Variants in PTPRG observed in about 807,000 individuals in gnomAD.
The protein encoded by PTPRG is receptor-type tyrosine-protein phosphatase gamma.
PTPRG carries 102 observed loss-of-function variants against 165.3 expected under a neutral mutation model. The observed-to-expected ratio is 0.62, with a 90% CI of 0.53 to 0.73. The LOEUF (loss-of-function observed/expected upper bound fraction) is 0.73. Ranked by LOEUF, PTPRG falls within the 30% of genes least tolerant of loss-of-function variation. PTPRG has a pLI of 0.00. For synonymous variants in PTPRG, 675 were observed against 669.5 expected, an observed-to-expected ratio of 1.01 and a Z score of -0.13; for missense variants, 1,866 against 1,861.4, an observed-to-expected ratio of 1.00 and a Z score of -0.05.
At chr3:61,768,399 T>A (rs1332059746) in intron 2 of PTPRG, among the ~76,000 whole-genome samples, 1 of 152,226 alleles carries the variant, frequency 6.6e-6, no homozygotes, top group Admixed American at 6.5e-5. Flanking sequence ...GAGTAGAGTT[T>A]CTCTGCACAA....
intron 2 of PTPRG, among the ~76,000 whole-genome samples, chr3:61,986,710 A>T (rs2040771610): frequency 1.3e-5 from 2 of 152,070 alleles, no homozygotes; most frequent in Admixed American, 1.3e-4. Context: ...GACGTGTTGG[A>T]GTTGGTGAGC....
chr3:61,989,180 T>A (rs141508309), intron 2 of PTPRG, among the ~76,000 whole-genome samples: 7 of 152,288 alleles, frequency 4.6e-5, no homozygotes, highest in African/African-American at 1.7e-4. Context: ...TGCCTTTAAT[T>A]TTTTTTCCCT....
chr3:62,065,009 G>C (rs1192473561), intron 4 of PTPRG, among the ~76,000 whole-genome samples: 1 of 152,038 alleles, frequency 6.6e-6, no homozygotes, highest in Non-Finnish European at 1.5e-5. Flanking sequence ...TGAGATTATA[G>C]GTGTGAGCCA....
At chr3:62,164,716 G>A (rs1704901972) in intron 7 of PTPRG, among the ~76,000 whole-genome samples, 1 of 152,194 alleles carries the variant, frequency 6.6e-6, no homozygotes, top group Non-Finnish European at 1.5e-5. Context: ...TTAAGTGAAA[G>A]CATTTTTGTG....
At chr3:62,109,842 G>C (rs1430001204) in intron 5 of PTPRG, among the ~76,000 whole-genome samples, 2 of 152,176 alleles carry the variant, frequency 1.3e-5, no homozygotes, top group Non-Finnish European at 2.9e-5. Flanking sequence ...CCACAACCCA[G>C]TGAGTCACTC....
intron 2 of PTPRG, among the ~76,000 whole-genome samples, chr3:61,794,376 T>C (rs2034986468): frequency 6.6e-6 from 1 of 152,232 alleles, no homozygotes; most frequent in East Asian, 1.9e-4. Flanking sequence ...TTTCCCTCCA[T>C]ATATTTTCTG....
chr3:61,623,326 A>G (rs1013375697), intron 1 of PTPRG, among the ~76,000 whole-genome samples: 4 of 152,344 alleles, frequency 2.6e-5, no homozygotes, highest in African/African-American at 7.2e-5. Flanking sequence ...TCTGATCTGC[A>G]TGACTAGGGA....
At chr3:61,698,208 A>G (rs1479163696) in intron 1 of PTPRG, among the ~76,000 whole-genome samples, 2 of 152,180 alleles carry the variant, frequency 1.3e-5, no homozygotes, top group Non-Finnish European at 2.9e-5. Context: ...GTTGGGAAGG[A>G]AAGAGATTTC....
At chr3:62,197,412 C>T (rs1699991917) in intron 10 of PTPRG, among the ~76,000 whole-genome samples, 1 of 152,186 alleles carries the variant, frequency 6.6e-6, no homozygotes, top group Non-Finnish European at 1.5e-5. Context: ...ATATTCTTTG[C>T]TAATGTTCAC....
intron 1 of PTPRG, among the ~76,000 whole-genome samples, chr3:61,663,597 TTATTATGCGCTATATTTCTATTATTACTA>T (rs1366960634): frequency 2.6e-5 from 4 of 151,942 alleles, no homozygotes; most frequent in Non-Finnish European, 4.4e-5. Flanking sequence ...TGCATTACAT[TTATTATGCGCTATATTTCTATTATTACTA>T]TATTGCAATA....
chr3:61,734,594 C>T (rs998038744), intron 1 of PTPRG, among the ~76,000 whole-genome samples: 3 of 152,100 alleles, frequency 2.0e-5, no homozygotes, highest in African/African-American at 7.2e-5. Flanking sequence ...ACTGCATATG[C>T]GATGTCTTTC....
intron 5 of PTPRG, chr3:62,118,490 G>A (rs1702944662): frequency 6.6e-6 from 1 of 152,192 alleles, no homozygotes; most frequent in Non-Finnish European, 1.5e-5. Flanking sequence ...CTTGATCTTA[G>A]CCAAAAGGCT....
intron 8 of PTPRG, among the ~76,000 whole-genome samples, chr3:62,168,528 T>A (rs1005487359): frequency 3.2e-4 from 49 of 151,804 alleles, no homozygotes; most frequent in African/African-American, 9.0e-4. Flanking sequence ...AACGGGAGAG[T>A]TCCCTGACCC....
At chr3:62,004,606 C>T (rs1172831421) in intron 4 of PTPRG, among the ~76,000 whole-genome samples, 1 of 152,210 alleles carries the variant, frequency 6.6e-6, no homozygotes, top group Non-Finnish European at 1.5e-5. Flanking sequence ...CATCTCTTCT[C>T]TCGACTGCAG....
At chr3:62,149,389 C>G (rs1216240366) in intron 6 of PTPRG, among the ~76,000 whole-genome samples, 1 of 151,682 alleles carries the variant, frequency 6.6e-6, no homozygotes, top group African/African-American at 2.4e-5. Context: ...TTTTCCTGCC[C>G]CAGCCTCCCA....
intron 2 of PTPRG, among the ~76,000 whole-genome samples, chr3:61,866,702 G>A (rs549643537): frequency 1.4e-5 from 2 of 143,460 alleles, no homozygotes; most frequent in Admixed American, 7.5e-5. Context: ...TAGTTCAAGC[G>A]ATTCTCCTGC....
At chr3:61,648,972 T>C (rs1340398273) in intron 1 of PTPRG, among the ~76,000 whole-genome samples, 1 of 152,214 alleles carries the variant, frequency 6.6e-6, no homozygotes, top group Non-Finnish European at 1.5e-5. Context: ...AAATAGACGT[T>C]TCATATAGTA....
chr3:62,052,649 T>G (rs561669960), intron 4 of PTPRG, among the ~76,000 whole-genome samples: 1 of 152,244 alleles, frequency 6.6e-6, no homozygotes, highest in South Asian at 2.1e-4. Context: ...GAGCTGTGAT[T>G]GTACCACTGC....
intron 2 of PTPRG, among the ~76,000 whole-genome samples, chr3:61,961,368 G>A (rs1397167040): frequency 1.3e-5 from 2 of 152,122 alleles, no homozygotes; most frequent in Non-Finnish European, 2.9e-5. Context: ...CAGCAGTGGG[G>A]ATAAACATGT....
Sources: allele counts gnomAD v4.1 joint callset (sites outside exome capture counted in the v4.1 genomes callset), GRCh38; gene constraint gnomAD v4.1.1; transcripts MANE v1.5; gene names NCBI Gene and HGNC (gene_info 2026-07-23, HGNC 2026-07-21).